ZNF892: variants seen among roughly 807,000 people sequenced by gnomAD.
ZNF892 encodes the protein zinc finger protein 892, also known as zinc finger protein 570-like.
the ZNF892 span, among the ~76,000 whole-genome samples, chr2:95,209,367 G>T: frequency 6.6e-6 from 1 of 152,182 alleles, no homozygotes; most frequent in African/African-American, 2.4e-5. Context: ...GCTCGGCTGT[G>T]TTGTACCCAG....
At chr2:95,255,931 G>A in the ZNF892 span, among the ~76,000 whole-genome samples, 1 of 152,092 alleles carries the variant, frequency 6.6e-6, no homozygotes, top group Non-Finnish European at 1.5e-5. Flanking sequence ...CCATTTGCTT[G>A]GTAGCTCTTC....
At chr2:95,255,983 G>GTC in the ZNF892 span, among the ~76,000 whole-genome samples, 10 of 152,272 alleles carry the variant, frequency 6.6e-5, no homozygotes, top group Admixed American at 5.9e-4. Flanking sequence ...CTCTGCACTT[G>GTC]AGATTGGTTT....
the ZNF892 span, among the ~76,000 whole-genome samples, chr2:95,235,273 A>G: frequency 6.6e-6 from 1 of 151,976 alleles, no homozygotes; most frequent in Admixed American, 6.6e-5. Context: ...TCCTTGGATG[A>G]TAGAATGGAG....
At chr2:95,243,619 G>T in the ZNF892 span, among the ~76,000 whole-genome samples, 12 of 150,024 alleles carry the variant, frequency 8.0e-5, no homozygotes, top group Non-Finnish European at 3.0e-5. Context: ...CCCAGCAGCC[G>T]CCCCGTCTGA....
At chr2:95,221,889 T>C in the ZNF892 span, among the ~76,000 whole-genome samples, 25 of 152,284 alleles carry the variant, frequency 1.6e-4, no homozygotes, top group South Asian at 5.0e-3. Flanking sequence ...ACCATAATTG[T>C]GTGTGTGGTT....
the ZNF892 span, chr2:95,232,213 C>A: frequency 6.6e-6 from 1 of 152,212 alleles, no homozygotes; most frequent in Non-Finnish European, 1.5e-5. Flanking sequence ...TTCGATTTTA[C>A]CGGGGGGCCC....
At chr2:95,212,972 C>G in the ZNF892 span, among the ~76,000 whole-genome samples, 3 of 152,224 alleles carry the variant, frequency 2.0e-5, no homozygotes, top group South Asian at 6.2e-4. Context: ...TGGATTTGAC[C>G]CTGTTACTTC....
At chr2:95,227,580 C>G in the ZNF892 span, among the ~76,000 whole-genome samples, 3 of 151,926 alleles carry the variant, frequency 2.0e-5, no homozygotes, top group Non-Finnish European at 2.9e-5. Flanking sequence ...CTTCAGCCTC[C>G]CAAAGTGCTG....
the ZNF892 span, among the ~76,000 whole-genome samples, chr2:95,242,808 C>T: frequency 6.6e-6 from 1 of 152,038 alleles, no homozygotes; most frequent in Admixed American, 6.5e-5. Flanking sequence ...TTTACCAAAC[C>T]TGGAGTCCCT....
the ZNF892 span, among the ~76,000 whole-genome samples, chr2:95,248,042 G>C: frequency 1.3e-5 from 2 of 152,164 alleles, no homozygotes; most frequent in Non-Finnish European, 2.9e-5. Context: ...ACACTCATAT[G>C]TTCATTGCAA....
chr2:95,257,946 AT>A, the ZNF892 span, among the ~76,000 whole-genome samples: 1 of 151,960 alleles, frequency 6.6e-6, no homozygotes, highest in African/African-American at 2.4e-5. Flanking sequence ...GAGTGACCCT[AT>A]TTTCCAGGTG....
the ZNF892 span, among the ~76,000 whole-genome samples, chr2:95,221,803 ATC>A: frequency 6.6e-6 from 1 of 152,184 alleles, no homozygotes; most frequent in Non-Finnish European, 1.5e-5. Flanking sequence ...ATCAACTTTT[ATC>A]AAAGTGCACA....
the ZNF892 span, among the ~76,000 whole-genome samples, chr2:95,229,440 G>A: frequency 5.3e-5 from 8 of 151,952 alleles, no homozygotes; most frequent in African/African-American, 1.4e-4. Context: ...TCCACCCCAC[G>A]CCACCCCACC....
At chr2:95,247,965 A>C in the ZNF892 span, among the ~76,000 whole-genome samples, 1 of 152,192 alleles carries the variant, frequency 6.6e-6, no homozygotes, top group Non-Finnish European at 1.5e-5. Context: ...GCTACTATTC[A>C]ATTCAGCAAT....
At chr2:95,261,829 G>A in the ZNF892 span, among the ~76,000 whole-genome samples, 2 of 152,186 alleles carry the variant, frequency 1.3e-5, no homozygotes, top group African/African-American at 2.4e-5. Flanking sequence ...CAGAAGTCCC[G>A]GGAGTTCCTC....
At chr2:95,245,453 G>GT in the ZNF892 span, among the ~76,000 whole-genome samples, 12 of 90,956 alleles carry the variant, frequency 1.3e-4, 1 homozygote, top group Admixed American at 4.0e-4. Flanking sequence ...GAGACGGCGG[G>GT]GGGGGGGGGG....
the ZNF892 span, among the ~76,000 whole-genome samples, chr2:95,221,486 T>C: frequency 4.6e-5 from 7 of 152,218 alleles, no homozygotes; most frequent in African/African-American, 1.7e-4. Flanking sequence ...TTGTGTCCCT[T>C]GAATTTTAGT....
the ZNF892 span, among the ~76,000 whole-genome samples, chr2:95,231,864 C>T: frequency 6.6e-6 from 1 of 152,166 alleles, no homozygotes. Context: ...GGTCAGCTCT[C>T]AGGAGACCCT....
At chr2:95,233,084 GT>G in the ZNF892 span, among the ~76,000 whole-genome samples, 1 of 152,090 alleles carries the variant, frequency 6.6e-6, no homozygotes, top group Non-Finnish European at 1.5e-5. Context: ...TGAGCCTCTG[GT>G]TTTATTTTCT....
Sources: gnomAD v4.1 joint callset for allele counts (sites outside exome capture counted in the v4.1 genomes callset) on GRCh38, gnomAD v4.1.1 for gene constraint, MANE v1.5 for transcripts, NCBI Gene and HGNC (gene_info 2026-07-23, HGNC 2026-07-21) for gene names.